MRC1: variants seen among roughly 807,000 people sequenced by gnomAD.
MRC1 encodes the protein macrophage mannose receptor 1.
A neutral mutation model predicts 102.9 loss-of-function variants in MRC1; 62 were observed. The ratio of observed to expected loss-of-function variants is 0.60; its 90% CI spans 0.49 to 0.74. The LOEUF (loss-of-function observed/expected upper bound fraction) is 0.74. MRC1 is among the 30% of genes least tolerant of loss of function. MRC1 has a pLI of 0.00. For synonymous variants in MRC1, 457 were observed against 298.4 expected, an observed-to-expected ratio of 1.53 and a Z score of -5.48; for missense variants, 1,237 against 862.8, an observed-to-expected ratio of 1.43 and a Z score of -5.43.
At chr10:17,854,316 T>C (rs1833045369) in intron 8 of MRC1, among the ~76,000 whole-genome samples, 1 of 152,242 alleles carries the variant, frequency 6.6e-6, no homozygotes, top group Admixed American at 6.5e-5. Context: ...TATTGTTCAA[T>C]AATTTTTGTC....
At chr10:17,829,671 C>T (rs1838539387) in intron 3 of MRC1, among the ~76,000 whole-genome samples, 3 of 151,476 alleles carry the variant, frequency 2.0e-5, no homozygotes, top group South Asian at 2.1e-4. Flanking sequence ...TTCTCCTTTA[C>T]TTAATAGGAA....
intron 21 of MRC1, among the ~76,000 whole-genome samples, chr10:17,884,606 C>G (rs879206058): frequency 0.024 from 3,604 of 152,204 alleles, 160 homozygotes; most frequent in East Asian, 0.21. Context: ...GAGAGAAGTG[C>G]AAAGCAAAGC....
At chr10:17,841,008 G>C (rs1029405165) in intron 5 of MRC1, among the ~76,000 whole-genome samples, 5 of 152,314 alleles carry the variant, frequency 3.3e-5, no homozygotes, top group Admixed American at 3.3e-4. Context: ...CTGGGATAGG[G>C]ATTTGTCTGC....
At chr10:17,883,618 T>C (rs1393280598) in intron 21 of MRC1, among the ~76,000 whole-genome samples, 7 of 152,244 alleles carry the variant, frequency 4.6e-5, no homozygotes, top group Non-Finnish European at 1.0e-4. Flanking sequence ...ACACAGATAA[T>C]TGCATCTCTG....
Position 17,849,776 on chromosome 10 carries a change from G to A in MRC1, c.1249+12G>A. 1.3e-6 allele frequency: 1 copy of A among 779,182 alleles called. No individual in the cohort carries two copies. The highest frequency in any genetic ancestry group is 2.4e-6 in the Non-Finnish European group (1 of 416,876). 48.3% of individuals were successfully genotyped at this position (779,182 alleles called of 1,614,324 possible). A position where few individuals can be genotyped will look rare whatever the true frequency, so the allele number is the denominator to read the frequency against. On this transcript the variant is annotated intron_variant, in intron 7 of 29. Transcript: ENST00000569591. ...CCAGCTAGGATATGGTGAGAAACTTGACAGTGATAATATACTTGGCTTTAA... is the reference window on the plus strand; with the variant it reads ...CCAGCTAGGATATGGTGAGAAACTTAACAGTGATAATATACTTGGCTTTAA...
intron 10 of MRC1, chr10:17,862,892 T>C (rs1833205035): frequency 6.6e-6 from 1 of 152,286 alleles, no homozygotes; most frequent in African/African-American, 2.4e-5. Context: ...TTCAGTGCCT[T>C]GTCAACTGAA....
At chr10:17,901,604 A>G (rs1382612240) in intron 25 of MRC1, among the ~76,000 whole-genome samples, 1 of 151,914 alleles carries the variant, frequency 6.6e-6, no homozygotes, top group East Asian at 1.9e-4. Flanking sequence ...CAGGAGAATC[A>G]CTTGAATCCG....
intron 5 of MRC1, among the ~76,000 whole-genome samples, chr10:17,844,440 G>A (rs1013323918): frequency 6.6e-6 from 1 of 151,994 alleles, no homozygotes; most frequent in African/African-American, 2.4e-5. Flanking sequence ...GGCTGATCTC[G>A]AATTCCTGAC....
intron 5 of MRC1, among the ~76,000 whole-genome samples, chr10:17,841,762 A>G (rs1414930420): frequency 2.8e-5 from 4 of 141,334 alleles, no homozygotes; most frequent in Non-Finnish European, 6.0e-5. Context: ...TTTTTTTAGG[A>G]AAGAGTGCAA....
At chr10:17,815,690 G>A (rs1226722552) in intron 1 of MRC1, among the ~76,000 whole-genome samples, 1 of 152,172 alleles carries the variant, frequency 6.6e-6, no homozygotes, top group Non-Finnish European at 1.5e-5. Flanking sequence ...TTCATATTAT[G>A]TACTTTTCCA....
chr10:17,884,632 C>T (rs1447150935), intron 21 of MRC1, among the ~76,000 whole-genome samples: 7 of 152,104 alleles, frequency 4.6e-5, no homozygotes, highest in African/African-American at 1.7e-4. Context: ...AAGATAAAAC[C>T]ATCAGCTCTT....
intron 9 of MRC1, 113 bp from the exon 10 acceptor site, chr10:17,861,274 T>C (rs1197075435): frequency 5.1e-6 from 3 of 586,010 alleles, no homozygotes; most frequent in Admixed American, 2.7e-5. Context: ...GATTGCGCCA[T>C]TGTACTCCAG....
chr10:17,816,431 T>TA (rs1480763649), intron 1 of MRC1, among the ~76,000 whole-genome samples: 1 of 152,094 alleles, frequency 6.6e-6, no homozygotes, highest in Non-Finnish European at 1.5e-5. Flanking sequence ...GTAGGAGCTC[T>TA]GGGCGACGGT....
At chr10:17,833,003 T>C (rs967702443) in intron 3 of MRC1, among the ~76,000 whole-genome samples, 1,671 of 152,082 alleles carry the variant, frequency 0.011, 26 homozygotes, top group African/African-American at 0.039. Context: ...TGGATAATTT[T>C]TGAATCCTCA....
rs1342624511 is a variant in MRC1 at position 17,849,797 on chromosome 10, T to G, written c.1249+33T>G. On this transcript the variant is annotated intron_variant, in intron 7 of 29. Transcript: ENST00000569591. ...ACTTGACAGTGATAATATACTTGGC[T>G]TTAATCCTGGGAGCACCCCTTTCTA... 9.2e-6 allele frequency: 7 copies of G among 763,144 alleles called. No individual in the cohort carries two copies. In the Admixed American group the frequency reaches 1.2e-4, roughly 13 times the overall value. 47.3% of individuals were successfully genotyped at this position (763,144 alleles called of 1,614,324 possible). A position where few individuals can be genotyped will look rare whatever the true frequency, so the allele number is the denominator to read the frequency against.
rs908803344 is a variant in MRC1 at position 17,850,383 on chromosome 10, T to C, written c.1249+619T>C. Among the ~76,000 whole-genome samples, 3 of 151,858 alleles carry C rather than the reference T, an allele frequency of 2.0e-5. No individual in the cohort carries two copies. The East Asian group carries it at 5.8e-4, about 29-fold the overall frequency. On this transcript the variant is annotated intron_variant, in intron 7 of 29. Coordinates refer to ENST00000569591, the MANE Select transcript of MRC1 (RefSeq NM_002438.4). Reference sequence around the variant, plus strand: ...GGGAGGCCAAGGTGGGAAGGATAGCTTGAGCCCAGGAGTTTGAGGCCAGTC... The same window carrying C: ...GGGAGGCCAAGGTGGGAAGGATAGCCTGAGCCCAGGAGTTTGAGGCCAGTC...
chr10:17,835,528 C>T lies in MRC1; in HGVS notation c.802+1689C>T, dbSNP rs896648913. On this transcript the variant is annotated intron_variant, in intron 4 of 29. Transcript: ENST00000569591. ...TCCTGCATGGAAAGCAAACTGAAGGCCATGTGGAGATCGCGTCAGAGGGGG... is the reference window on the plus strand; with the variant it reads ...TCCTGCATGGAAAGCAAACTGAAGGTCATGTGGAGATCGCGTCAGAGGGGG... Among the ~76,000 whole-genome samples, 8 of 152,170 alleles carry T rather than the reference C, an allele frequency of 5.3e-5. No individual in the cohort carries two copies. The South Asian group carries it at 1.0e-3, about 20-fold the overall frequency.
intron 26 of MRC1, among the ~76,000 whole-genome samples, chr10:17,905,736 C>G (rs1833886159): frequency 1.3e-5 from 2 of 152,124 alleles, no homozygotes; most frequent in Non-Finnish European, 2.9e-5. Flanking sequence ...ATATGGGATA[C>G]AGGCATATGG....
At position 17,852,767 on chromosome 10, in the gene MRC1, A is replaced by T. The variant is rs942215067; in HGVS notation, c.1250-200A>T. Among the ~76,000 whole-genome samples the T allele has an allele frequency of 7.8e-3, 1,193 of 152,334 alleles. 3 individuals carry two copies. Among genetic ancestry groups the T allele is most frequent in the Non-Finnish European group, 0.012 (816 of 68,036 alleles). On this transcript the variant is annotated intron_variant, in intron 7 of 29. Transcript: ENST00000569591. ...AGGGTACACTACACAGCCTAAAACT[A>T]ACAAGGTAAAATGTAGTTGGCATCT...
Sources: gnomAD v4.1 joint callset for allele counts (sites outside exome capture counted in the v4.1 genomes callset) on GRCh38, gnomAD v4.1.1 for gene constraint, MANE v1.5 for transcripts, NCBI Gene and HGNC (gene_info 2026-07-23, HGNC 2026-07-21) for gene names.